LDB2: variants seen among roughly 807,000 people sequenced by gnomAD.
LDB2 encodes the protein LIM domain-binding protein 2.
LDB2 carries 12 observed loss-of-function variants against 44.3 expected under a neutral mutation model. That is an observed-to-expected ratio of 0.27 (90% CI 0.17 to 0.44). The LOEUF is 0.44. LDB2 is among the 20% of genes least tolerant of loss of function. The pLI is 1.00. For synonymous variants in LDB2, 164 were observed against 174.8 expected (o/e 0.94, Z 0.49); for missense variants, 344 against 473.5 (o/e 0.73, Z 2.54).
intron 2 of LDB2, among the ~76,000 whole-genome samples, chr4:16,688,068 A>T (rs1245682337): frequency 6.6e-6 from 1 of 152,152 alleles, no homozygotes; most frequent in East Asian, 1.9e-4. Context: ...AGATACAAAG[A>T]CTTACGTGAA....
intron 5 of LDB2, among the ~76,000 whole-genome samples, chr4:16,539,853 G>T (rs562623572): frequency 2.0e-5 from 3 of 152,246 alleles, no homozygotes; most frequent in African/African-American, 7.2e-5. Context: ...TAAAGTTGGG[G>T]TCATGTGACT....
chr4:16,799,313 T>C (rs1004680044), intron 1 of LDB2, among the ~76,000 whole-genome samples: 2 of 152,244 alleles, frequency 1.3e-5, no homozygotes. Context: ...ACACTGAACA[T>C]GGTGCCTGAG....
chr4:16,850,834 C>T (rs929321642), intron 1 of LDB2, among the ~76,000 whole-genome samples: 3 of 151,964 alleles, frequency 2.0e-5, no homozygotes, highest in Non-Finnish European at 2.9e-5. Context: ...TGCTCAACAT[C>T]CAAATGGGAA....
intron 1 of LDB2, among the ~76,000 whole-genome samples, chr4:16,865,346 C>T (rs1206354926): frequency 6.6e-6 from 1 of 152,196 alleles, no homozygotes; most frequent in African/African-American, 2.4e-5. Flanking sequence ...GAAATCACTG[C>T]CCTCAGCCCT....
intron 1 of LDB2, among the ~76,000 whole-genome samples, chr4:16,773,020 A>G (rs576412651): frequency 2.6e-5 from 4 of 152,226 alleles, no homozygotes; most frequent in African/African-American, 2.4e-5. Flanking sequence ...GAATTATTTG[A>G]TGAGGAGTGT....
At position 16,788,025 on chromosome 4, in the gene LDB2, G is replaced by A. The variant is rs141998537; in HGVS notation, c.133-28765C>T. On this transcript the variant is annotated intron_variant, in intron 1 of 7. Coordinates refer to ENST00000304523, the MANE Select transcript of LDB2 (RefSeq NM_001290.5). ...ATGAAACCAAGCTTGGGGTGCATGT[G>A]CCTGGCCACTCTCTTTCTTCCTGGC... is the stretch of plus-strand genomic sequence containing the variant. Among the ~76,000 whole-genome samples, 548 of 152,268 alleles carry A rather than the reference G, an allele frequency of 3.6e-3. 2 individuals carry two copies. Among genetic ancestry groups the A allele is most frequent in the Non-Finnish European group, 5.0e-3 (342 of 68,020 alleles).
intron 2 of LDB2, among the ~76,000 whole-genome samples, chr4:16,712,131 A>T (rs10222884): frequency 0.083 from 12,636 of 152,264 alleles, 834 homozygotes; most frequent in East Asian, 0.4. Flanking sequence ...AAGACAGTAC[A>T]CACGCTTGGA....
intron 2 of LDB2, among the ~76,000 whole-genome samples, chr4:16,710,434 G>T (rs1216816930): frequency 6.6e-6 from 1 of 152,176 alleles, no homozygotes; most frequent in Non-Finnish European, 1.5e-5. Flanking sequence ...TCTTCCTGGA[G>T]TTGGCCTTGT....
At chr4:16,778,513 G>A (rs1385006778) in intron 1 of LDB2, among the ~76,000 whole-genome samples, 1 of 152,114 alleles carries the variant, frequency 6.6e-6, no homozygotes, top group African/African-American at 2.4e-5. Flanking sequence ...CATCAAGAGT[G>A]TTTGTGAGTT....
chr4:16,801,141 C>T (rs1440273289), intron 1 of LDB2, among the ~76,000 whole-genome samples: 1 of 152,156 alleles, frequency 6.6e-6, no homozygotes, highest in East Asian at 1.9e-4. Context: ...ATTTCAGGAA[C>T]TTTCCCACCC....
chr4:16,547,441 C>T (rs1197926795), intron 5 of LDB2, among the ~76,000 whole-genome samples: 1 of 152,116 alleles, frequency 6.6e-6, no homozygotes, highest in African/African-American at 2.4e-5. Context: ...CAAATGAGAC[C>T]TCCACTCCTA....
At chr4:16,575,451 T>C (rs959670196) in intron 5 of LDB2, among the ~76,000 whole-genome samples, 1 of 152,226 alleles carries the variant, frequency 6.6e-6, no homozygotes, top group Non-Finnish European at 1.5e-5. Flanking sequence ...AGAGACCAAA[T>C]GGACCTAATA....
chr4:16,546,927 T>C (rs1735980847), intron 5 of LDB2, among the ~76,000 whole-genome samples: 1 of 152,184 alleles, frequency 6.6e-6, no homozygotes, highest in African/African-American at 2.4e-5. Context: ...GACTTGCCTC[T>C]TCACTCAAGA....
At chr4:16,799,375 A>G (rs925271577) in intron 1 of LDB2, among the ~76,000 whole-genome samples, 7 of 152,208 alleles carry the variant, frequency 4.6e-5, no homozygotes, top group Non-Finnish European at 1.0e-4. Context: ...TTAGAGATGG[A>G]ACTATTTTCT....
chr4:16,643,651 C>G (rs1177170726), intron 2 of LDB2, among the ~76,000 whole-genome samples: 1 of 152,090 alleles, frequency 6.6e-6, no homozygotes, highest in Non-Finnish European at 1.5e-5. Flanking sequence ...CATTTTGTAT[C>G]TAAGCACTTC....
chr4:16,813,206 G>C (rs1053724025), intron 1 of LDB2, among the ~76,000 whole-genome samples: 1 of 152,072 alleles, frequency 6.6e-6, no homozygotes, highest in African/African-American at 2.4e-5. Context: ...GTCTGGTCTA[G>C]AACTCCTGGC....
chr4:16,870,570 G>GCCTC (rs1445523233), intron 1 of LDB2, among the ~76,000 whole-genome samples: 5 of 151,972 alleles, frequency 3.3e-5, no homozygotes, highest in Non-Finnish European at 5.9e-5. Context: ...CATCTCTGCA[G>GCCTC]CCTCCCTCCC....
intron 1 of LDB2, among the ~76,000 whole-genome samples, chr4:16,853,044 G>T (rs1484226233): frequency 6.6e-6 from 1 of 152,072 alleles, no homozygotes; most frequent in African/African-American, 2.4e-5. Context: ...ATACCATCAC[G>T]TTTTCAAATA....
intron 2 of LDB2, among the ~76,000 whole-genome samples, chr4:16,633,517 T>C (rs1273628032): frequency 6.6e-6 from 1 of 152,096 alleles, no homozygotes; most frequent in Non-Finnish European, 1.5e-5. Context: ...TCATAATTGC[T>C]ACTAAGAGAA....
Sources: gnomAD v4.1 joint callset for allele counts (sites outside exome capture counted in the v4.1 genomes callset) on GRCh38, gnomAD v4.1.1 for gene constraint, MANE v1.5 for transcripts, NCBI Gene and HGNC (gene_info 2026-07-23, HGNC 2026-07-21) for gene names.